The following ERO1B variants were observed in gnomAD, a reference collection of about 807,000 sequenced individuals.
The protein encoded by ERO1B is ERO1-like protein beta.
In ERO1B, 49 loss-of-function variants were observed where a neutral mutation model predicts 75.3. That is an observed-to-expected ratio of 0.65 (90% CI 0.52 to 0.83). The LOEUF (loss-of-function observed/expected upper bound fraction) is 0.83, where lower values mean the gene tolerates loss of function less well. Among genes scored for constraint, ERO1B ranks in the 40% least tolerant of loss-of-function variants. The pLI is 0.00. For missense variants in ERO1B, 512 were observed against 560.1 expected, an observed-to-expected ratio of 0.91 and a Z score of 0.87; for synonymous variants, 191 against 192.9, an observed-to-expected ratio of 0.99 and a Z score of 0.08.
intron 2 of ERO1B, among the ~76,000 whole-genome samples, chr1:236,254,307 T>C (rs906581871): frequency 6.6e-6 from 1 of 152,228 alleles, no homozygotes; most frequent in Non-Finnish European, 1.5e-5. Context: ...CATCAAACAA[T>C]TCATTTTTCC....
intron 1 of ERO1B, among the ~76,000 whole-genome samples, chr1:236,276,634 T>C (rs942398232): frequency 1.3e-5 from 2 of 152,144 alleles, no homozygotes; most frequent in African/African-American, 4.8e-5. Flanking sequence ...CAAGAGCAGT[T>C]TCAGAGGTGC....
intron 6 of ERO1B, among the ~76,000 whole-genome samples, chr1:236,242,809 T>A (rs900220886): frequency 6.6e-6 from 1 of 152,164 alleles, no homozygotes; most frequent in Non-Finnish European, 1.5e-5. Context: ...AGATAAAAAA[T>A]TTTGAGTCAC....
intron 15 of ERO1B, among the ~76,000 whole-genome samples, chr1:236,219,302 C>T (rs994143440): frequency 4.6e-5 from 7 of 152,118 alleles, no homozygotes; most frequent in African/African-American, 1.7e-4. Flanking sequence ...CATACCACTA[C>T]TAAAGGGCAG....
intron 2 of ERO1B, among the ~76,000 whole-genome samples, chr1:236,267,464 A>G (rs1349776836): frequency 6.6e-6 from 1 of 152,134 alleles, no homozygotes; most frequent in Non-Finnish European, 1.5e-5. Context: ...ACTTCTACTG[A>G]CCAAGCCTGC....
At chr1:236,221,307 C>T (rs969112645) in intron 14 of ERO1B, among the ~76,000 whole-genome samples, 1 of 152,116 alleles carries the variant, frequency 6.6e-6, no homozygotes, top group Non-Finnish European at 1.5e-5. Flanking sequence ...CAATTCAAAA[C>T]TCAGAGATTA....
At chr1:236,270,471 T>C (rs1210141350) in intron 1 of ERO1B, among the ~76,000 whole-genome samples, 1 of 152,174 alleles carries the variant, frequency 6.6e-6, no homozygotes, top group Non-Finnish European at 1.5e-5. Flanking sequence ...TATTATAATC[T>C]TCATATTACA....
intron 14 of ERO1B, 53 bp downstream of exon 14, chr1:236,221,869 CAG>C (rs1223416460): frequency 7.5e-7 from 1 of 1,324,676 alleles, no homozygotes; most frequent in East Asian, 2.3e-5. Flanking sequence ...AGCTTGGACT[CAG>C]TGGAAAAAAT....
intron 2 of ERO1B, among the ~76,000 whole-genome samples, chr1:236,254,518 C>T (rs1321796074): frequency 6.6e-6 from 1 of 152,200 alleles, no homozygotes. Context: ...CATAACCTGG[C>T]CTCTGGCCTA....
intron 6 of ERO1B, among the ~76,000 whole-genome samples, chr1:236,241,865 A>C (rs1238011763): frequency 6.6e-6 from 1 of 152,030 alleles, no homozygotes; most frequent in African/African-American, 2.4e-5. Context: ...TCAGGAGATC[A>C]AGACCATCCT....
rs1558510856 is a variant in ERO1B at position 236,239,837 on chromosome 1, G to GTGTA, written c.506-3440_506-3439insTACA. On this transcript the variant is annotated intron_variant, in intron 6 of 15. Transcript: ENST00000354619. ...TATATATATATGTGTATATATATGT[G>GTGTA]TATATATATATGTGTATATATGTAT... Among the ~76,000 whole-genome samples the GTGTA allele has an allele frequency of 9.1e-3, 208 of 22,780 alleles. 1 individual carries two copies. The East Asian group carries it at 0.11, about 12-fold the overall frequency. 14.9% of individuals were successfully genotyped at this position (22,780 alleles called of 152,430 possible).
At position 236,252,241 on chromosome 1, in the gene ERO1B, CTA is replaced by C. The variant is rs377567366; in HGVS notation, c.307-152_307-151del. 47 of 612,258 alleles carry C rather than the reference CTA, an allele frequency of 7.7e-5. No individual in the cohort carries two copies. In the South Asian group the frequency reaches 9.7e-4, roughly 13 times the overall value. 37.9% of individuals were successfully genotyped at this position (612,258 alleles called of 1,614,324 possible). ...CACTCACTCAAATTGTGTTTTCACA[CTA>C]TCTCATAAAGTAAAAGTGTTATCCC... On this transcript the variant is annotated intron_variant, in intron 3 of 15. Transcript: ENST00000354619.
intron 2 of ERO1B, among the ~76,000 whole-genome samples, chr1:236,254,804 G>C (rs747263060): frequency 6.6e-6 from 1 of 151,596 alleles, no homozygotes; most frequent in Non-Finnish European, 1.5e-5. Flanking sequence ...GTAGAGACAG[G>C]GTTTCACCAT....
At position 236,232,710 on chromosome 1, in the gene ERO1B, C is replaced by CT. The variant is rs1480765449; in HGVS notation, c.685+117dup. 7 of 718,060 alleles carry CT rather than the reference C, an allele frequency of 9.7e-6. No homozygotes were observed. In the East Asian group the frequency reaches 2.1e-4, roughly 22 times the overall value. The allele number at this position is 718,060 out of a possible 1,614,324, so 44.5% of individuals were successfully genotyped here. ...TTTTTTGGTCACCATTCATTAGTAG[C>CT]TATTTTCTTAGAAAACAGGAATACT... On this transcript the variant is annotated intron_variant, in intron 9 of 15. Transcript: ENST00000354619.
intron 4 of ERO1B, among the ~76,000 whole-genome samples, chr1:236,250,430 C>T (rs1263890281): frequency 2.0e-5 from 3 of 151,702 alleles, no homozygotes; most frequent in Non-Finnish European, 4.4e-5. Context: ...TGAGATCACG[C>T]CACTGCACTC....
intron 4 of ERO1B, among the ~76,000 whole-genome samples, chr1:236,250,209 C>T (rs1313435916): frequency 3.9e-5 from 6 of 152,010 alleles, no homozygotes; most frequent in East Asian, 3.9e-4. Context: ...CAGTGGCTCA[C>T]GTCTGTAATC....
At chr1:236,236,441 T>C (rs1471923777) in intron 6 of ERO1B, 43 bp from the exon 7 acceptor site, 1 of 1,606,054 alleles carries the variant, frequency 6.2e-7, no homozygotes, top group Non-Finnish European at 8.5e-7. Context: ...TATTTCACCA[T>C]TTATCTAAGA....
At chr1:236,246,565 G>A (rs1442028484) in intron 5 of ERO1B, among the ~76,000 whole-genome samples, 1 of 152,094 alleles carries the variant, frequency 6.6e-6, no homozygotes, top group African/African-American at 2.4e-5. Flanking sequence ...AATACTATGT[G>A]CCAATAAAAA....
At chr1:236,279,677 A>C (rs1202650120) in intron 1 of ERO1B, among the ~76,000 whole-genome samples, 1 of 84,476 alleles carries the variant, frequency 1.2e-5, no homozygotes, top group Non-Finnish European at 2.4e-5. Flanking sequence ...GAAAAAAAAA[A>C]AAAACACACA....
At chr1:236,260,241 C>A (rs932422505) in intron 2 of ERO1B, among the ~76,000 whole-genome samples, 1 of 151,988 alleles carries the variant, frequency 6.6e-6, no homozygotes. Flanking sequence ...AATTGGATAA[C>A]CTAGAAGAAA....
Sources: allele counts gnomAD v4.1 joint callset (sites outside exome capture counted in the v4.1 genomes callset), GRCh38; gene constraint gnomAD v4.1.1; transcripts MANE v1.5; gene names NCBI Gene and HGNC (gene_info 2026-07-23, HGNC 2026-07-21).